The following BTBD16 variants were observed in gnomAD, a reference collection of about 807,000 sequenced individuals.
BTBD16 encodes the protein BTB/POZ domain-containing protein 16.
Under a neutral mutation model 67.4 loss-of-function variants are expected in BTBD16, and 66 were observed. The observed-to-expected ratio is 0.98, with a 90% confidence interval of 0.80 to 1.20. The LOEUF (loss-of-function observed/expected upper bound fraction) is 1.20. Among genes scored for constraint, BTBD16 ranks in the 50% most tolerant of loss-of-function variants. The pLI is 0.00. For missense variants in BTBD16, 634 were observed against 616.0 expected (o/e 1.03, Z -0.31); for synonymous variants, 242 against 236.4 (o/e 1.02, Z -0.22).
intron 10 of BTBD16, chr10:122,328,631 A>G (rs1163992721): frequency 1.0e-5 from 4 of 387,486 alleles, no homozygotes; most frequent in Non-Finnish European, 3.5e-6. Flanking sequence ...AAAATAATCT[A>G]CAAGTACCCT....
Position 122,289,976 on chromosome 10 carries a change from T to TG in BTBD16, c.454dup (p.Asp152GlyfsTer6), listed in dbSNP as rs2096370896. 1 of 1,613,444 alleles carries TG rather than the reference T, an allele frequency of 6.2e-7. No individual in the cohort carries two copies. The highest frequency in any genetic ancestry group is 1.7e-5 in the Admixed American group (1 of 60,004). On this transcript the variant is annotated frameshift_variant, in exon 6 of 16. Coordinates refer to ENST00000260723, the MANE Select transcript of BTBD16 (RefSeq NM_144587.5). LOFTEE classifies it high-confidence loss of function. Reference sequence around the variant, plus strand: ...GGATCATCATTTCCTTGAAGATCAATGACCCACTGGTCACTAAAGTCGGTA... The same window carrying TG: ...GGATCATCATTTCCTTGAAGATCAATGGACCCACTGGTCACTAAAGTCGGTA...
intron 7 of BTBD16, among the ~76,000 whole-genome samples, chr10:122,295,046 G>C (rs2096380616): frequency 6.6e-6 from 1 of 152,220 alleles, no homozygotes; most frequent in Non-Finnish European, 1.5e-5. Context: ...GGACGAAAAG[G>C]CCTCCACCTG....
At position 122,297,855 on chromosome 10, in the gene BTBD16, G is replaced by A. The variant is rs367981091; in HGVS notation, c.660+18G>A. 36 of 1,613,240 alleles carry A rather than the reference G, an allele frequency of 2.2e-5. No individual in the cohort carries two copies. Among genetic ancestry groups the A allele is most frequent in the Admixed American group, 3.3e-5 (2 of 59,978 alleles). On this transcript the variant is annotated intron_variant, in intron 8 of 15. Coordinates refer to ENST00000260723, the MANE Select transcript of BTBD16 (RefSeq NM_144587.5). ...GCTGCAAGGTGAGAACAACCCAGAC[G>A]GGGCACATCGCCCCTTGGGGGGGCC...
chr10:122,306,512 G>C (rs1283338864), intron 9 of BTBD16, among the ~76,000 whole-genome samples: 2 of 152,164 alleles, frequency 1.3e-5, no homozygotes, highest in Non-Finnish European at 2.9e-5. Flanking sequence ...ACTCACAGGA[G>C]GTTCCACAGC....
chr10:122,301,210 C>G (rs190231534), intron 9 of BTBD16, among the ~76,000 whole-genome samples: 32 of 152,172 alleles, frequency 2.1e-4, no homozygotes, highest in Admixed American at 6.5e-4. Context: ...TAACATTGTC[C>G]CTCCCTTGGA....
intron 7 of BTBD16, among the ~76,000 whole-genome samples, chr10:122,296,248 A>G (rs909358496): frequency 3.9e-5 from 6 of 152,162 alleles, no homozygotes; most frequent in African/African-American, 1.4e-4. Flanking sequence ...TGTAGAGTAA[A>G]TGCAATAATA....
At chr10:122,337,659 G>T (rs1233373882) in intron 15 of BTBD16, among the ~76,000 whole-genome samples, 1 of 152,098 alleles carries the variant, frequency 6.6e-6, no homozygotes, top group Admixed American at 6.5e-5. Context: ...TACAGACAGG[G>T]TTTCACCATA....
At chr10:122,309,608 G>T (rs2096410084) in intron 10 of BTBD16, among the ~76,000 whole-genome samples, 1 of 151,802 alleles carries the variant, frequency 6.6e-6, no homozygotes, top group Admixed American at 6.6e-5. Flanking sequence ...CTCCCAAAGT[G>T]CTGGCATTAC....
At position 122,325,927 on chromosome 10, in the gene BTBD16, C is replaced by T. The variant is rs534644035; in HGVS notation, c.912-3553C>T. 7.2e-5 allele frequency among the ~76,000 whole-genome samples: 11 copies of T among 152,130 alleles called. No individual in the cohort carries two copies. In the South Asian group the frequency reaches 8.3e-4, roughly 12 times the overall value. ...CTGACCTCAGGTGATTCACCCACCT[C>T]GGCCTCCCAAAGTGCTGGGATTACA... On this transcript the variant is annotated intron_variant, in intron 10 of 15. Coordinates refer to ENST00000260723, the MANE Select transcript of BTBD16 (RefSeq NM_144587.5).
intron 10 of BTBD16, among the ~76,000 whole-genome samples, chr10:122,312,175 T>C (rs1329647652): frequency 6.6e-6 from 1 of 152,244 alleles, no homozygotes; most frequent in African/African-American, 2.4e-5. Context: ...TCAACTTTAG[T>C]AAATACTGCC....
chr10:122,309,122 CAGACTT>C (rs1441883690), intron 10 of BTBD16, among the ~76,000 whole-genome samples: 3 of 152,106 alleles, frequency 2.0e-5, no homozygotes, highest in Non-Finnish European at 4.4e-5. Flanking sequence ...GAGTCTCTGT[CAGACTT>C]TTTTTTCTCT....
intron 1 of BTBD16, among the ~76,000 whole-genome samples, chr10:122,271,958 C>T (rs535658982): frequency 2.6e-5 from 4 of 152,236 alleles, no homozygotes; most frequent in South Asian, 2.1e-4. Flanking sequence ...CTGTGCTGAC[C>T]AGGTCTGCTT....
At chr10:122,294,323 A>C (rs1442442198) in intron 7 of BTBD16, among the ~76,000 whole-genome samples, 1 of 152,196 alleles carries the variant, frequency 6.6e-6, no homozygotes, top group Non-Finnish European at 1.5e-5. Flanking sequence ...AGGTTATCTC[A>C]GCTGAGCTCC....
rs535548831 is a variant in BTBD16 at position 122,271,646 on chromosome 10, T to A, written c.-43+132T>A. ...TCTGGTCTACTTGGCAGGGAGGGAG[T>A]TTAGGGAATCAGGAGGGGTCTGGGA... is the stretch of plus-strand genomic sequence containing the variant. On this transcript the variant is annotated intron_variant, in intron 1 of 15. Transcript: ENST00000260723. 12 of 151,590 alleles carry A rather than the reference T, an allele frequency of 7.9e-5. No individual in the cohort carries two copies. In the South Asian group the frequency reaches 1.5e-3, roughly 19 times the overall value. 9.4% of individuals were successfully genotyped at this position (151,590 alleles called of 1,614,324 possible). A position where few individuals can be genotyped will look rare whatever the true frequency, so the allele number is the denominator to read the frequency against.
chr10:122,336,665 T>C lies in BTBD16; in HGVS notation c.1435T>C (p.Ser479Pro). 1 of 1,587,610 alleles carries C rather than the reference T, an allele frequency of 6.3e-7. No homozygotes were observed. The highest frequency in any genetic ancestry group is 8.5e-7 in the Non-Finnish European group (1 of 1,172,260). Residue 479 changes from serine to proline, a missense_variant, in exon 15 of 16, where the codon TCA (serine) becomes CCA (proline). Coordinates refer to ENST00000260723, the MANE Select transcript of BTBD16 (RefSeq NM_144587.5). Reference sequence around the variant, plus strand: ...CAAGCAGAAGTTTGGGTTGACCACGTCATCCTGCAAAAGCCATGCAAGTGT... The same window carrying C: ...CAAGCAGAAGTTTGGGTTGACCACGCCATCCTGCAAAAGCCATGCAAGTGT... ...QIKQKFGLTT[S>P]SCKSHTLKIQ...
intron 9 of BTBD16, chr10:122,303,619 A>T (rs1225462937): frequency 1.4e-6 from 1 of 704,268 alleles, no homozygotes; most frequent in African/African-American, 2.0e-5. Flanking sequence ...CTACATACGA[A>T]AGAGGACTTT....
chr10:122,316,847 G>A (rs1335108800), intron 10 of BTBD16, among the ~76,000 whole-genome samples: 1 of 151,466 alleles, frequency 6.6e-6, no homozygotes, highest in African/African-American at 2.4e-5. Context: ...GGAGTGCAAC[G>A]GCGCAATCTC....
chr10:122,278,252 G>A (rs1422572536), intron 3 of BTBD16, among the ~76,000 whole-genome samples: 1 of 152,156 alleles, frequency 6.6e-6, no homozygotes, highest in Non-Finnish European at 1.5e-5. Flanking sequence ...GAGGGGTGGG[G>A]TGTTGAAATG....
rs756221032 is a variant in BTBD16, at chr10:122,321,798, G to A, written c.912-7682G>A. 7.6e-4 allele frequency among the ~76,000 whole-genome samples: 116 copies of A among 152,002 alleles called. 1 individual carries two copies. The highest frequency in any genetic ancestry group is 1.5e-3 in the Non-Finnish European group (100 of 67,984). ...AGTTTTTGTGTTTACTCTGTTGATAGTTTCTTTTGCTGGGCAGAAGCTCTT... is the reference window on the plus strand; with the variant it reads ...AGTTTTTGTGTTTACTCTGTTGATAATTTCTTTTGCTGGGCAGAAGCTCTT... On this transcript the variant is annotated intron_variant, in intron 10 of 15. Coordinates refer to ENST00000260723, the MANE Select transcript of BTBD16 (RefSeq NM_144587.5).
Sources: gnomAD v4.1 joint callset for allele counts (sites outside exome capture counted in the v4.1 genomes callset) on GRCh38, gnomAD v4.1.1 for gene constraint, MANE v1.5 for transcripts, NCBI Gene and HGNC (gene_info 2026-07-23, HGNC 2026-07-21) for gene names.